HHAT: variants seen among roughly 807,000 people sequenced by gnomAD.
The protein encoded by HHAT is protein-cysteine N-palmitoyltransferase HHAT.
A neutral mutation model predicts 70.8 loss-of-function variants in HHAT; 47 were observed. That is an observed-to-expected ratio of 0.66 (90% CI 0.53 to 0.85). The LOEUF (loss-of-function observed/expected upper bound fraction) is 0.85. Among genes scored for constraint, HHAT ranks in the 40% least tolerant of loss-of-function variants. The probability of loss-of-function intolerance (pLI) is 0.00; values close to 1 mark genes in which losing one functional copy is unlikely to be tolerated. For missense variants in HHAT, 609 were observed against 604.8 expected, an observed-to-expected ratio of 1.01 and a Z score of -0.07; for synonymous variants, 228 against 247.6, an observed-to-expected ratio of 0.92 and a Z score of 0.74.
At chr1:210,427,219 T>C (rs2093090596) in intron 7 of HHAT, among the ~76,000 whole-genome samples, 1 of 152,068 alleles carries the variant, frequency 6.6e-6, no homozygotes, top group Admixed American at 6.6e-5. Context: ...CTTCTCTCTT[T>C]ATTAGTCTAG....
chr1:210,447,317 C>T (rs1356780184), intron 7 of HHAT, among the ~76,000 whole-genome samples: 1 of 152,130 alleles, frequency 6.6e-6, no homozygotes, highest in East Asian at 1.9e-4. Context: ...TGGTTTATTA[C>T]AAGTAATTAC....
intron 9 of HHAT, among the ~76,000 whole-genome samples, chr1:210,581,127 T>C (rs552676812): frequency 8.8e-4 from 134 of 152,348 alleles, no homozygotes; most frequent in South Asian, 2.3e-3. Context: ...ATGTCTTCTT[T>C]TGAGAAGTGT....
chr1:210,599,511 C>T (rs1049891580), intron 10 of HHAT, among the ~76,000 whole-genome samples: 2 of 152,178 alleles, frequency 1.3e-5, no homozygotes, highest in Non-Finnish European at 2.9e-5. Flanking sequence ...CCAAATGACA[C>T]CACCATCTAT....
chr1:210,569,885 ACT>A (rs1399264436), intron 9 of HHAT, among the ~76,000 whole-genome samples: 3 of 151,992 alleles, frequency 2.0e-5, no homozygotes, highest in African/African-American at 7.3e-5. Context: ...ATACCTCTAG[ACT>A]GACTGCCCCA....
chr1:210,470,475 A>G (rs1173231494), intron 8 of HHAT, among the ~76,000 whole-genome samples: 1 of 152,196 alleles, frequency 6.6e-6, no homozygotes, highest in Non-Finnish European at 1.5e-5. Context: ...TAACATTCAT[A>G]TTTTAAAATC....
chr1:210,330,226 C>T (rs1050600682), intron 1 of HHAT, among the ~76,000 whole-genome samples: 1 of 152,152 alleles, frequency 6.6e-6, no homozygotes, highest in African/African-American at 2.4e-5. Context: ...TTTCTCCCTC[C>T]TTTCTCGTTG....
intron 10 of HHAT, among the ~76,000 whole-genome samples, chr1:210,611,121 G>T (rs186877619): frequency 6.6e-6 from 1 of 152,118 alleles, no homozygotes; most frequent in African/African-American, 2.4e-5. Context: ...CCATTTTCAC[G>T]ATATTGATTA....
chr1:210,535,456 G>GTGTGTGTGTGTGT (rs1394781594), intron 9 of HHAT, among the ~76,000 whole-genome samples: 9 of 140,114 alleles, frequency 6.4e-5, no homozygotes, highest in African/African-American at 2.3e-4. Flanking sequence ...TGTGTGTGTG[G>GTGTGTGTGTGTGT]GGTAAAATAA....
chr1:210,445,834 G>A (rs1032100589), intron 7 of HHAT, among the ~76,000 whole-genome samples: 1 of 151,652 alleles, frequency 6.6e-6, no homozygotes, highest in Non-Finnish European at 1.5e-5. Context: ...TATCCTCTTA[G>A]GGTGCTTGTG....
intron 11 of HHAT, among the ~76,000 whole-genome samples, chr1:210,659,377 C>T (rs1028741902): frequency 6.6e-6 from 1 of 152,136 alleles, no homozygotes; most frequent in Non-Finnish European, 1.5e-5. Context: ...CAAGACTAAA[C>T]CAGGAAGAAG....
At chr1:210,535,795 T>A (rs2095365980) in intron 9 of HHAT, among the ~76,000 whole-genome samples, 1 of 152,140 alleles carries the variant, frequency 6.6e-6, no homozygotes, top group Non-Finnish European at 1.5e-5. Context: ...CATCAACAAA[T>A]AAACACACCC....
At chr1:210,658,498 T>A (rs185975751) in intron 11 of HHAT, among the ~76,000 whole-genome samples, 4 of 152,332 alleles carry the variant, frequency 2.6e-5, no homozygotes, top group Non-Finnish European at 5.9e-5. Flanking sequence ...AAAAACAAAA[T>A]CTGAGTTCAA....
At chr1:210,500,927 C>A (rs2094740149) in intron 8 of HHAT, among the ~76,000 whole-genome samples, 1 of 152,200 alleles carries the variant, frequency 6.6e-6, no homozygotes, top group Admixed American at 6.5e-5. Context: ...CCACACCAGG[C>A]TGTCCAACTT....
chr1:210,602,087 G>C (rs1005953539), intron 10 of HHAT, among the ~76,000 whole-genome samples: 4 of 152,054 alleles, frequency 2.6e-5, no homozygotes, highest in African/African-American at 7.2e-5. Context: ...AAAATCTAGA[G>C]GGTGATTTCA....
At chr1:210,536,920 G>A (rs559267371) in intron 9 of HHAT, among the ~76,000 whole-genome samples, 1 of 152,260 alleles carries the variant, frequency 6.6e-6, no homozygotes, top group Admixed American at 6.5e-5. Context: ...TCACCAGATA[G>A]TGCCAACTAG....
chr1:210,374,256 A>T (rs1004153949), intron 3 of HHAT: 2 of 130,130 alleles, frequency 1.5e-5, no homozygotes, highest in Non-Finnish European at 3.3e-5. Context: ...CGATCTGAAG[A>T]GAAACCAGTG....
At chr1:210,594,511 T>C (rs1662493214) in intron 10 of HHAT, among the ~76,000 whole-genome samples, 1 of 149,612 alleles carries the variant, frequency 6.7e-6, no homozygotes, top group South Asian at 2.1e-4. Context: ...CATTGTACTA[T>C]CTATGTCTTT....
intron 9 of HHAT, among the ~76,000 whole-genome samples, chr1:210,575,493 C>T (rs1198194855): frequency 2.0e-5 from 3 of 152,138 alleles, no homozygotes; most frequent in South Asian, 2.1e-4. Context: ...CCAGAATAGA[C>T]CTGGGCCTGG....
At chr1:210,392,754 C>T (rs1347715584) in intron 4 of HHAT, among the ~76,000 whole-genome samples, 2 of 152,050 alleles carry the variant, frequency 1.3e-5, no homozygotes, top group African/African-American at 4.8e-5. Flanking sequence ...TTTTAATTTC[C>T]ATTCTATCCT....
Sources: allele counts gnomAD v4.1 joint callset (sites outside exome capture counted in the v4.1 genomes callset), GRCh38; gene constraint gnomAD v4.1.1; transcripts MANE v1.5; gene names NCBI Gene and HGNC (gene_info 2026-07-23, HGNC 2026-07-21).